ANKUB1: variants seen among roughly 807,000 people sequenced by gnomAD.
ANKUB1 encodes ankyrin repeat and ubiquitin domain containing 1, also known as protein ANKUB1.
ANKUB1 carries 42 observed loss-of-function variants against 49.3 expected under a neutral mutation model. The observed-to-expected ratio is 0.85, with a 90% CI of 0.67 to 1.10. The LOEUF (loss-of-function observed/expected upper bound fraction) is 1.10, where lower values mean the gene tolerates loss of function less well. ANKUB1 is among the 50% of genes least tolerant of loss of function. ANKUB1 has a pLI of 0.00. For synonymous variants in ANKUB1, 222 were observed against 231.0 expected (o/e 0.96, Z 0.35); for missense variants, 613 against 642.0 (o/e 0.95, Z 0.49).
Position 149,767,833 on chromosome 3 carries a change from G to C in ANKUB1, c.829C>G (p.Pro277Ala). ...TTGTGTTTGAACACAATGGTCAGGG[G>C]AGTTTGTCCTGCTGCATTTTTGCAT... ...LECKNAAGQT[P>A]LTIVFKHKHK... Residue 277 changes from proline (P) to alanine (A), a missense_variant, in exon 5 of 6, where the codon CCC (proline) becomes GCC (alanine). By Grantham distance (27) the Pro-to-Ala change is conservative. Transcript: ENST00000446160. The C allele has an allele frequency of 6.4e-7, 1 of 1,551,698 alleles. No homozygotes were observed. The highest frequency in any genetic ancestry group is 8.7e-7 in the Non-Finnish European group (1 of 1,147,004).
intron 1 of ANKUB1, among the ~76,000 whole-genome samples, chr3:149,791,968 G>C (rs1409168805): frequency 6.6e-6 from 1 of 151,962 alleles, no homozygotes; most frequent in Non-Finnish European, 1.5e-5. Flanking sequence ...TCTTGCTTTG[G>C]TCCTTTTATG....
rs552972296 is a variant in ANKUB1 at position 149,768,509 on chromosome 3, C to G, written c.567-414G>C. ...TTACAATTCAATACCCAGTTCTGCCCTTGCTATTTGTGTGACATGGGGCAG... is the reference window on the plus strand; with the variant it reads ...TTACAATTCAATACCCAGTTCTGCCGTTGCTATTTGTGTGACATGGGGCAG... On this transcript the variant is annotated intron_variant, in intron 4 of 5. Coordinates refer to ENST00000446160, the MANE Select transcript of ANKUB1 (RefSeq NM_001144960.3). Among the ~76,000 whole-genome samples the G allele has an allele frequency of 2.0e-5, 3 of 152,224 alleles. No individual in the cohort carries two copies. The South Asian group carries it at 6.2e-4, about 32-fold the overall frequency.
At position 149,767,838 on chromosome 3, in the gene ANKUB1, T is replaced by C. The variant is rs377486050; in HGVS notation, c.824A>G (p.Gln275Arg). 408 of 1,551,744 alleles carry C rather than the reference T, an allele frequency of 2.6e-4. 2 individuals carry two copies. The highest frequency in any genetic ancestry group is 2.3e-3 in the Middle Eastern group (14 of 5,992). ...LCLECKNAAGQTPLTIVFKHK... is the reference protein window; with the variant it reads ...LCLECKNAAGRTPLTIVFKHK... ...TTTGAACACAATGGTCAGGGGAGTT[T>C]GTCCTGCTGCATTTTTGCATTCCAG... Residue 275 changes from glutamine (Q) to arginine (R), a missense_variant, in exon 5 of 6, where the codon CAA becomes CGA. Coordinates refer to ENST00000446160, the MANE Select transcript of ANKUB1 (RefSeq NM_001144960.3).
intron 3 of ANKUB1, chr3:149,779,581 A>ATATTTGC: frequency 6.6e-6 from 1 of 152,444 alleles, no homozygotes; most frequent in Non-Finnish European, 1.5e-5. Context: ...CATTGTTAAA[A>ATATTTGC]AGATTATTTT....
chr3:149,774,314 C>T (rs542756588), intron 3 of ANKUB1, among the ~76,000 whole-genome samples: 1 of 152,202 alleles, frequency 6.6e-6, no homozygotes, highest in East Asian at 1.9e-4. Context: ...TACCTTGGTG[C>T]TGTGGTTCAC....
intron 2 of ANKUB1, among the ~76,000 whole-genome samples, chr3:149,782,889 A>G (rs926417046): frequency 2.0e-5 from 3 of 152,172 alleles, no homozygotes; most frequent in Non-Finnish European, 2.9e-5. Flanking sequence ...AGAAAATATT[A>G]CTAATTATTA....
At chr3:149,774,899 C>T (rs570990447) in intron 3 of ANKUB1, among the ~76,000 whole-genome samples, 7 of 152,172 alleles carry the variant, frequency 4.6e-5, no homozygotes, top group East Asian at 3.8e-4. Flanking sequence ...ACTTGAAAAA[C>T]GCTATATTGC....
rs375752698 is a variant in ANKUB1, at chr3:149,781,217, G to A, written c.235-762C>T. Among the ~76,000 whole-genome samples the A allele has an allele frequency of 3.0e-4, 45 of 152,230 alleles. No individual in the cohort carries two copies. The East Asian group carries it at 6.7e-3, about 23-fold the overall frequency. On this transcript the variant is annotated intron_variant, in intron 2 of 5. Coordinates refer to ENST00000446160, the MANE Select transcript of ANKUB1 (RefSeq NM_001144960.3). The stretch of plus-strand genomic sequence containing the variant: ...TTTTGTAATCTAAGTAGGAAAGCAA[G>A]TAGAATTGAGATATCCAAAGCAGAG...
At chr3:149,781,904 A>G (rs1457161890) in intron 2 of ANKUB1, among the ~76,000 whole-genome samples, 2 of 152,076 alleles carry the variant, frequency 1.3e-5, no homozygotes, top group Non-Finnish European at 2.9e-5. Flanking sequence ...GCTTAGAACA[A>G]TTTTTCATGA....
At chr3:149,784,925 A>G (rs1278598391) in intron 2 of ANKUB1, among the ~76,000 whole-genome samples, 1 of 152,212 alleles carries the variant, frequency 6.6e-6, no homozygotes, top group Non-Finnish European at 1.5e-5. Context: ...CTATTTATGT[A>G]CAGCCTACTA....
intron 5 of ANKUB1, among the ~76,000 whole-genome samples, chr3:149,765,556 A>G (rs1436176835): frequency 6.6e-6 from 1 of 152,090 alleles, no homozygotes; most frequent in Non-Finnish European, 1.5e-5. Context: ...ATGCACACAC[A>G]CACACACACA....
chr3:149,765,103 A>G (rs1260784871), intron 5 of ANKUB1, among the ~76,000 whole-genome samples: 1 of 152,232 alleles, frequency 6.6e-6, no homozygotes, highest in Non-Finnish European at 1.5e-5. Context: ...ATAAATTAGG[A>G]TATGGAATAC....
chr3:149,785,966 G>A (rs915808009), intron 2 of ANKUB1, among the ~76,000 whole-genome samples: 2 of 152,218 alleles, frequency 1.3e-5, no homozygotes, highest in African/African-American at 4.8e-5. Flanking sequence ...ACTGGTGTGA[G>A]ATGGTATCTC....
chr3:149,765,037 A>G (rs895794982), intron 5 of ANKUB1, among the ~76,000 whole-genome samples: 10 of 152,192 alleles, frequency 6.6e-5, no homozygotes, highest in African/African-American at 2.4e-4. Context: ...ATTTTTATTC[A>G]AAGTAGCCCC....
At chr3:149,773,752 G>T (rs1559865355) in intron 3 of ANKUB1, among the ~76,000 whole-genome samples, 1 of 152,138 alleles carries the variant, frequency 6.6e-6, no homozygotes, top group Non-Finnish European at 1.5e-5. Flanking sequence ...GAAAGCTTTA[G>T]CCTGGCCCCA....
Position 149,761,374 on chromosome 3 carries a change from T to G in ANKUB1, c.*110A>C. On this transcript the variant is annotated 3_prime_UTR_variant, in exon 6 of 6. Coordinates refer to ENST00000446160, the MANE Select transcript of ANKUB1 (RefSeq NM_001144960.3). Reference sequence around the variant, plus strand: ...TCCTATTAAAAGTTATGTGGCATTATAACTGTTACTAGAGATGATAACATT... The same window carrying G: ...TCCTATTAAAAGTTATGTGGCATTAGAACTGTTACTAGAGATGATAACATT... 1 of 1,277,504 alleles carries G rather than the reference T, an allele frequency of 7.8e-7. No homozygotes were observed. Among genetic ancestry groups the G allele is most frequent in the East Asian group, 2.6e-5 (1 of 38,976 alleles). The allele number at this position is 1,277,504 out of a possible 1,614,324, so 79.1% of individuals were successfully genotyped here. A position where few individuals can be genotyped will look rare whatever the true frequency, so the allele number is the denominator to read the frequency against.
intron 2 of ANKUB1, among the ~76,000 whole-genome samples, chr3:149,784,206 CTA>C: frequency 6.6e-6 from 1 of 152,254 alleles, no homozygotes. Flanking sequence ...GAGGGATTAA[CTA>C]TGTTTTGACC....
At chr3:149,769,741 T>A (rs2108266297) in intron 4 of ANKUB1, among the ~76,000 whole-genome samples, 1 of 152,360 alleles carries the variant, frequency 6.6e-6, no homozygotes, top group African/African-American at 2.4e-5. Flanking sequence ...AAGTTTGGTT[T>A]CTACTGAATT....
chr3:149,777,332 A>T (rs1052022827), intron 3 of ANKUB1, among the ~76,000 whole-genome samples: 1 of 151,618 alleles, frequency 6.6e-6, no homozygotes, highest in African/African-American at 2.4e-5. Context: ...ATTAGCTGGG[A>T]GTGGTGGCGC....
Sources: allele counts gnomAD v4.1 joint callset (sites outside exome capture counted in the v4.1 genomes callset), GRCh38; gene constraint gnomAD v4.1.1; transcripts MANE v1.5; gene names NCBI Gene and HGNC (gene_info 2026-07-23, HGNC 2026-07-21).